SSBP2: variants seen among roughly 807,000 people sequenced by gnomAD.
The protein encoded by SSBP2 is single-stranded DNA-binding protein 2.
A neutral mutation model predicts 61.8 loss-of-function variants in SSBP2; 17 were observed. The ratio of observed to expected loss-of-function variants is 0.28; its 90% confidence interval spans 0.19 to 0.41. The LOEUF (loss-of-function observed/expected upper bound fraction) is 0.41. SSBP2 is among the 10% of genes least tolerant of loss of function. The pLI is 1.00. For missense variants in SSBP2, 310 were observed against 458.7 expected, an observed-to-expected ratio of 0.68 and a Z score of 2.96; for synonymous variants, 139 against 141.3, an observed-to-expected ratio of 0.98 and a Z score of 0.12.
At position 81,561,137 on chromosome 5, in the gene SSBP2, C is replaced by CA. The variant is rs556221118; in HGVS notation, c.283-47421dup. Among the ~76,000 whole-genome samples, 80 of 152,206 alleles carry CA rather than the reference C, an allele frequency of 5.3e-4. 1 individual carries two copies. The South Asian group carries it at 0.014, about 27-fold the overall frequency. On this transcript the variant is annotated intron_variant, in intron 4 of 16. Coordinates refer to ENST00000320672, the MANE Select transcript of SSBP2 (RefSeq NM_012446.5). ...CTAAAAAAACTAGAGTAAACTATCA[C>CA]AAAAAATAATGTAATCCCCTGATAA... is the stretch of plus-strand genomic sequence containing the variant.
At chr5:81,483,364 A>G (rs1255229137) in intron 6 of SSBP2, among the ~76,000 whole-genome samples, 1 of 152,174 alleles carries the variant, frequency 6.6e-6, no homozygotes, top group Non-Finnish European at 1.5e-5. Context: ...CTTGACTACC[A>G]TTATATAGTT....
intron 4 of SSBP2, among the ~76,000 whole-genome samples, chr5:81,532,068 G>T (rs996866569): frequency 6.6e-6 from 1 of 152,074 alleles, no homozygotes; most frequent in Non-Finnish European, 1.5e-5. Context: ...ACAGATGCAT[G>T]AAAAGTTATC....
intron 4 of SSBP2, among the ~76,000 whole-genome samples, chr5:81,597,724 T>C (rs1199371618): frequency 1.3e-5 from 2 of 151,908 alleles, no homozygotes; most frequent in Non-Finnish European, 1.5e-5. Flanking sequence ...TGGATGAAAC[T>C]GGAAACCATC....
chr5:81,575,058 G>C (rs141638529), intron 4 of SSBP2, among the ~76,000 whole-genome samples: 8 of 151,976 alleles, frequency 5.3e-5, no homozygotes, highest in Admixed American at 5.2e-4. Context: ...TCACGAGGTC[G>C]AGAGATCAAG....
At chr5:81,731,523 G>T (rs1404187546) in intron 1 of SSBP2, among the ~76,000 whole-genome samples, 1 of 152,080 alleles carries the variant, frequency 6.6e-6, no homozygotes, top group Non-Finnish European at 1.5e-5. Context: ...CCTACTTCAA[G>T]TGTTCCAGTA....
chr5:81,704,442 C>G (rs1754215896), intron 1 of SSBP2, among the ~76,000 whole-genome samples: 1 of 152,098 alleles, frequency 6.6e-6, no homozygotes, highest in South Asian at 2.1e-4. Context: ...CACATGCTCG[C>G]ACACATATAT....
intron 6 of SSBP2, among the ~76,000 whole-genome samples, chr5:81,480,669 G>A (rs552387906): frequency 6.6e-6 from 1 of 152,154 alleles, no homozygotes; most frequent in Non-Finnish European, 1.5e-5. Flanking sequence ...GCCTCCCAAA[G>A]TGTTGGGATT....
intron 16 of SSBP2, among the ~76,000 whole-genome samples, chr5:81,424,147 C>T (rs555047928): frequency 3.3e-5 from 5 of 152,148 alleles, no homozygotes; most frequent in Admixed American, 1.3e-4. Flanking sequence ...AGCAACTGGC[C>T]GGGCATGGTG....
At chr5:81,735,905 G>A (rs138172479) in intron 1 of SSBP2, among the ~76,000 whole-genome samples, 9 of 152,170 alleles carry the variant, frequency 5.9e-5, no homozygotes, top group African/African-American at 1.9e-4. Context: ...ATGACAAAAC[G>A]TATTTATCAA....
In SSBP2 at chr5:81,497,435, G is replaced by A. The variant is rs575889568; in HGVS notation, c.373-8126C>T. ...CACCAACCCTAATGGAAGACTAAAA[G>A]CCCGCAAAAGATATAATAAAGCTTG... On this transcript the variant is annotated intron_variant, in intron 5 of 16. Transcript: ENST00000320672. Among the ~76,000 whole-genome samples, 5 of 152,262 alleles carry A rather than the reference G, an allele frequency of 3.3e-5. No individual in the cohort carries two copies. In the East Asian group the frequency reaches 5.8e-4, roughly 18 times the overall value.
At position 81,416,581 on chromosome 5, in the gene SSBP2, C is replaced by G. The variant is rs1761319287; in HGVS notation, c.*3923G>C. On this transcript the variant is annotated 3_prime_UTR_variant, in exon 17 of 17. Coordinates refer to ENST00000320672, the MANE Select transcript of SSBP2 (RefSeq NM_012446.5). ...CAAAGGAGCAGTTCTGAATGCTTTGCTATACATTCCTAGGGACAATATGAT... is the reference window on the plus strand; with the variant it reads ...CAAAGGAGCAGTTCTGAATGCTTTGGTATACATTCCTAGGGACAATATGAT... The G allele has an allele frequency of 1.3e-5, 2 of 152,274 alleles. No homozygotes were observed. Among genetic ancestry groups the G allele is most frequent in the South Asian group, 2.1e-4 (1 of 4,822 alleles). 9.4% of individuals were successfully genotyped at this position (152,274 alleles called of 1,614,324 possible).
intron 5 of SSBP2, among the ~76,000 whole-genome samples, chr5:81,507,718 C>T (rs1016488159): frequency 5.3e-5 from 8 of 152,096 alleles, no homozygotes; most frequent in South Asian, 4.1e-4. Context: ...TTACCCTTCT[C>T]GATATTTTTT....
At chr5:81,726,592 C>T (rs1188740254) in intron 1 of SSBP2, among the ~76,000 whole-genome samples, 2 of 152,152 alleles carry the variant, frequency 1.3e-5, no homozygotes, top group Non-Finnish European at 2.9e-5. Context: ...AATGACACTG[C>T]TCTTAGCAAC....
chr5:81,625,598 C>T (rs532825175), intron 3 of SSBP2, among the ~76,000 whole-genome samples: 1 of 152,216 alleles, frequency 6.6e-6, no homozygotes, highest in African/African-American at 2.4e-5. Flanking sequence ...AGTCTTTGAT[C>T]TCATATCATT....
At chr5:81,506,190 T>C (rs1219072028) in intron 5 of SSBP2, among the ~76,000 whole-genome samples, 1 of 152,198 alleles carries the variant, frequency 6.6e-6, no homozygotes, top group Non-Finnish European at 1.5e-5. Context: ...AGATCTGTTC[T>C]ATTTTCAACA....
chr5:81,495,939 CTTTTA>C (rs929097873), intron 5 of SSBP2, among the ~76,000 whole-genome samples: 30 of 151,930 alleles, frequency 2.0e-4, no homozygotes, highest in Admixed American at 5.2e-4. Context: ...TATATTCTAT[CTTTTA>C]TTTTATGAGC....
At chr5:81,587,711 C>A (rs1057310610) in intron 4 of SSBP2, among the ~76,000 whole-genome samples, 1 of 151,870 alleles carries the variant, frequency 6.6e-6, no homozygotes, top group South Asian at 2.1e-4. Context: ...GCCTAAGCAA[C>A]AGAGCTAGAC....
intron 1 of SSBP2, among the ~76,000 whole-genome samples, chr5:81,741,589 G>C (rs915590528): frequency 2.0e-5 from 3 of 152,032 alleles, no homozygotes; most frequent in Non-Finnish European, 4.4e-5. Context: ...GTATAAAAGC[G>C]AAAAAACCTT....
intron 4 of SSBP2, among the ~76,000 whole-genome samples, chr5:81,556,107 C>A (rs757006815): frequency 6.6e-6 from 1 of 152,078 alleles, no homozygotes; most frequent in Non-Finnish European, 1.5e-5. Context: ...ATATTCTAGA[C>A]AATTGCTTAT....
Sources: gnomAD v4.1 joint callset for allele counts (sites outside exome capture counted in the v4.1 genomes callset) on GRCh38, gnomAD v4.1.1 for gene constraint, MANE v1.5 for transcripts, NCBI Gene and HGNC (gene_info 2026-07-23, HGNC 2026-07-21) for gene names.